The following CADM1 variants were observed in gnomAD, a reference collection of about 807,000 sequenced individuals.
CADM1 encodes the protein TSLC-1.
Under a neutral mutation model 53.1 loss-of-function variants are expected in CADM1, and 15 were observed. The ratio of observed to expected loss-of-function variants is 0.28; its 90% CI spans 0.19 to 0.44. The LOEUF is 0.44. CADM1 is among the 20% of genes least tolerant of loss of function. The probability of loss-of-function intolerance (pLI) is 1.00; values close to 1 mark genes in which losing one functional copy is unlikely to be tolerated. For synonymous variants in CADM1, 281 were observed against 243.0 expected (o/e 1.16, Z -1.45); for missense variants, 434 against 611.3 (o/e 0.71, Z 3.06).
chr11:115,176,398 G>C lies in CADM1; in HGVS notation c.*76C>G. 3 of 1,600,100 alleles carry C rather than the reference G, an allele frequency of 1.9e-6. No individual in the cohort carries two copies. The highest frequency in any genetic ancestry group is 1.7e-5 in the Admixed American group (1 of 59,518). On this transcript the variant is annotated 3_prime_UTR_variant, in exon 12 of 12. Coordinates refer to ENST00000331581, the MANE Select transcript of CADM1 (RefSeq NM_001301043.2). The stretch of plus-strand genomic sequence containing the variant: ...TCATAAAAAAACACACGAATTTCTC[G>C]CAAGTTCCAATATCACTGTCTCTTT...
At position 115,176,597 on chromosome 11, in the gene CADM1, A is replaced by G; in HGVS notation, c.1298-5T>C. ...CTTCATGAGTGAAGTATGTACCTGA[A>G]AGATGAAGGGGTAAAGCACCGTGAC... is the stretch of plus-strand genomic sequence containing the variant. On this transcript the variant is annotated splice_region_variant and splice_polypyrimidine_tract_variant and intron_variant, in intron 11 of 11. Transcript: ENST00000331581. The G allele has an allele frequency of 6.2e-7, 1 of 1,612,650 alleles. No homozygotes were observed. Among genetic ancestry groups the G allele is most frequent in the South Asian group, 1.1e-5 (1 of 91,064 alleles).
chr11:115,308,141 C>CTGTGTGTGTGTG (rs199736406), intron 1 of CADM1, among the ~76,000 whole-genome samples: 1 of 133,444 alleles, frequency 7.5e-6, no homozygotes, highest in East Asian at 2.2e-4. Flanking sequence ...AACTCTCTCT[C>CTGTGTGTGTGTG]TGTGTGTGTG....
At chr11:115,217,000 G>GT (rs1191518247) in intron 6 of CADM1, among the ~76,000 whole-genome samples, 2 of 152,244 alleles carry the variant, frequency 1.3e-5, no homozygotes, top group East Asian at 3.9e-4. Context: ...GCTCAATGCT[G>GT]TTTTTTGTTG....
rs1003647087 is a variant in CADM1 at position 115,388,187 on chromosome 11, G to A, written c.124+116084C>T. ...AAAAGGGGAGTCTATAAGTCAATAC[G>A]ACTGACAGACAGGCAGACAGACAGA... On this transcript the variant is annotated intron_variant, in intron 1 of 11. Transcript: ENST00000331581. Among the ~76,000 whole-genome samples the A allele has an allele frequency of 5.9e-5, 9 of 152,080 alleles. No individual in the cohort carries two copies. The South Asian group carries it at 6.2e-4, about 11-fold the overall frequency.
rs375084377 is a variant in CADM1, at chr11:115,238,387, T to G, written c.424+113A>C. 116 of 1,179,652 alleles carry G rather than the reference T, an allele frequency of 9.8e-5. No homozygotes were observed. The East Asian group carries it at 2.0e-3, about 20-fold the overall frequency. The allele number at this position is 1,179,652 out of a possible 1,614,324, so 73.1% of individuals were successfully genotyped here. On this transcript the variant is annotated intron_variant, in intron 3 of 11. Transcript: ENST00000331581. ...TAAAATTCAGCAAGATGGGCGGTGATTCTTCCTGAAACAAGTTTGAACAGG... is the reference window on the plus strand; with the variant it reads ...TAAAATTCAGCAAGATGGGCGGTGAGTCTTCCTGAAACAAGTTTGAACAGG...
chr11:115,294,398 T>C (rs1236686696), intron 1 of CADM1, among the ~76,000 whole-genome samples: 2 of 152,182 alleles, frequency 1.3e-5, no homozygotes, highest in Non-Finnish European at 2.9e-5. Flanking sequence ...ACTACTCTCT[T>C]GAAACAATTT....
chr11:115,303,121 G>A (rs1944276054), intron 1 of CADM1, among the ~76,000 whole-genome samples: 1 of 151,946 alleles, frequency 6.6e-6, no homozygotes, highest in Non-Finnish European at 1.5e-5. Flanking sequence ...AGATGGGTGT[G>A]GTACAAAAAA....
At chr11:115,316,978 T>C (rs1346801977) in intron 1 of CADM1, among the ~76,000 whole-genome samples, 1 of 152,104 alleles carries the variant, frequency 6.6e-6, no homozygotes, top group Non-Finnish European at 1.5e-5. Flanking sequence ...AAAAGATTGC[T>C]TAAGCAAATT....
intron 1 of CADM1, among the ~76,000 whole-genome samples, chr11:115,481,876 T>A (rs998159260): frequency 2.0e-5 from 3 of 152,020 alleles, no homozygotes; most frequent in Non-Finnish European, 4.4e-5. Flanking sequence ...CCCTAACTGC[T>A]CTCCTACCTG....
At chr11:115,400,747 C>T (rs1947133500) in intron 1 of CADM1, among the ~76,000 whole-genome samples, 1 of 137,792 alleles carries the variant, frequency 7.3e-6, no homozygotes, top group South Asian at 2.4e-4. Flanking sequence ...TAAAAAGATG[C>T]TCCACATCAG....
intron 1 of CADM1, among the ~76,000 whole-genome samples, chr11:115,501,904 AAT>A (rs755699608): frequency 6.6e-6 from 1 of 151,882 alleles, no homozygotes; most frequent in Non-Finnish European, 1.5e-5. Context: ...CTCACCACGA[AAT>A]ATATATATAT....
At chr11:115,243,206 A>T (rs1225480759) in intron 1 of CADM1, among the ~76,000 whole-genome samples, 1 of 152,230 alleles carries the variant, frequency 6.6e-6, no homozygotes, top group Non-Finnish European at 1.5e-5. Flanking sequence ...GTGCTCTGGC[A>T]CATAATGCGC....
intron 1 of CADM1, among the ~76,000 whole-genome samples, chr11:115,367,837 T>C (rs1199439576): frequency 6.6e-6 from 1 of 151,994 alleles, no homozygotes; most frequent in Non-Finnish European, 1.5e-5. Flanking sequence ...TTTAAGTGAA[T>C]CCTGAATATA....
intron 1 of CADM1, among the ~76,000 whole-genome samples, chr11:115,321,828 C>T (rs571092637): frequency 4.3e-4 from 65 of 152,258 alleles, no homozygotes; most frequent in African/African-American, 1.5e-3. Context: ...TTGAGGAAAC[C>T]AGTGGAATGC....
intron 1 of CADM1, among the ~76,000 whole-genome samples, chr11:115,459,027 C>G (rs970718905): frequency 1.3e-5 from 2 of 152,168 alleles, no homozygotes; most frequent in African/African-American, 4.8e-5. Context: ...CAAAGAGCAA[C>G]ATGTGCATGG....
intron 1 of CADM1, among the ~76,000 whole-genome samples, chr11:115,438,657 T>A (rs1948237731): frequency 6.6e-6 from 1 of 152,194 alleles, no homozygotes; most frequent in Non-Finnish European, 1.5e-5. Flanking sequence ...GAATTTTTAG[T>A]AGGCTACATT....
intron 1 of CADM1, among the ~76,000 whole-genome samples, chr11:115,340,565 G>C (rs1945401605): frequency 7.3e-6 from 1 of 137,576 alleles, no homozygotes; most frequent in African/African-American, 2.7e-5. Flanking sequence ...CATATAAGGG[G>C]GATTTATTTA....
chr11:115,413,803 C>A (rs776714185), intron 1 of CADM1, among the ~76,000 whole-genome samples: 1 of 151,936 alleles, frequency 6.6e-6, no homozygotes, highest in Non-Finnish European at 1.5e-5. Context: ...CGCCACCATG[C>A]CCAGCTAATT....
rs191693946 is a variant in CADM1 at position 115,251,385 on chromosome 11, A to C, written c.125-10965T>G. On this transcript the variant is annotated intron_variant, in intron 1 of 11. Transcript: ENST00000331581. Reference sequence around the variant, plus strand: ...CAAGCAAGTAAGGATATCAGTTGGAACACATCAGATATGGACTCAGAGTGA... The same window carrying C: ...CAAGCAAGTAAGGATATCAGTTGGACCACATCAGATATGGACTCAGAGTGA... Among the ~76,000 whole-genome samples, 206 of 151,392 alleles carry C rather than the reference A, an allele frequency of 1.4e-3. 1 individual carries two copies. Among genetic ancestry groups the C allele is most frequent in the African/African-American group, 4.0e-3 (166 of 41,366 alleles).
Sources: gnomAD v4.1 joint callset for allele counts (sites outside exome capture counted in the v4.1 genomes callset) on GRCh38, gnomAD v4.1.1 for gene constraint, MANE v1.5 for transcripts, NCBI Gene and HGNC (gene_info 2026-07-23, HGNC 2026-07-21) for gene names.